The following FLYWCH2 variants were observed in gnomAD, a reference collection of about 807,000 sequenced individuals.
FLYWCH2 encodes the protein FLYWCH family member 2.
Under a neutral mutation model 6.0 loss-of-function variants are expected in FLYWCH2, and 2 were observed. The observed-to-expected ratio is 0.33, with a 90% confidence interval of 0.14 to 1.04. The LOEUF (loss-of-function observed/expected upper bound fraction) is 1.04. Ranked by LOEUF, FLYWCH2 falls within the 50% of genes least tolerant of loss-of-function variation. The pLI is 0.45. For synonymous variants in FLYWCH2, 87 were observed against 79.3 expected (o/e 1.10, Z -0.52); for missense variants, 192 against 183.4 (o/e 1.05, Z -0.27).
intron 3 of FLYWCH2, 69 bp downstream of exon 3, chr16:2,896,840 C>A: frequency 7.1e-7 from 1 of 1,399,014 alleles, no homozygotes. Context: ...GCCGCGCTGG[C>A]TCCATCAGGC....
intron 1 of FLYWCH2, among the ~76,000 whole-genome samples, chr16:2,892,114 C>T (rs938177345): frequency 1.3e-5 from 2 of 151,922 alleles, no homozygotes; most frequent in Non-Finnish European, 2.9e-5. Flanking sequence ...ATTGCTTGAA[C>T]CTGGGAGGTG....
At chr16:2,884,041 C>T (rs1198684357) in intron 1 of FLYWCH2, among the ~76,000 whole-genome samples, 2 of 152,120 alleles carry the variant, frequency 1.3e-5, no homozygotes, top group Admixed American at 1.3e-4. Context: ...GTACTGCACA[C>T]CTTAGTGTCC....
intron 1 of FLYWCH2, among the ~76,000 whole-genome samples, chr16:2,892,074 C>T (rs985084918): frequency 6.6e-5 from 10 of 151,494 alleles, no homozygotes; most frequent in African/African-American, 2.4e-4. Context: ...CGCTTGTAAT[C>T]CCAGCTACTC....
chr16:2,895,608 CCGTCT>C (rs1398819012), intron 2 of FLYWCH2, among the ~76,000 whole-genome samples: 1 of 152,200 alleles, frequency 6.6e-6, no homozygotes, highest in Non-Finnish European at 1.5e-5. Context: ...GAGCGAGACT[CCGTCT>C]CCAAAACAAA....
At chr16:2,884,086 T>TG (rs2069670266) in intron 1 of FLYWCH2, among the ~76,000 whole-genome samples, 2 of 152,180 alleles carry the variant, frequency 1.3e-5, no homozygotes, top group Admixed American at 1.3e-4. Flanking sequence ...AGCCCCGCTG[T>TG]GGACTGCGTG....
At chr16:2,894,539 C>T (rs2069795774) in intron 1 of FLYWCH2, among the ~76,000 whole-genome samples, 1 of 152,340 alleles carries the variant, frequency 6.6e-6, no homozygotes, top group African/African-American at 2.4e-5. Context: ...CCCGGCATCC[C>T]CACATCGCCC....
At chr16:2,893,618 G>A (rs112883420) in intron 1 of FLYWCH2, among the ~76,000 whole-genome samples, 3,784 of 149,880 alleles carry the variant, frequency 0.025, 160 homozygotes, top group African/African-American at 0.087. Flanking sequence ...TCACTTTGGG[G>A]CCCTTTTCTT....
At chr16:2,883,549 C>CA (rs1171645526) in intron 1 of FLYWCH2, among the ~76,000 whole-genome samples, 183 bp downstream of exon 1, 1 of 152,164 alleles carries the variant, frequency 6.6e-6, no homozygotes, top group Non-Finnish European at 1.5e-5. Flanking sequence ...CCTCCTTCCC[C>CA]ACCCCCTCCA....
At chr16:2,894,250 A>G (rs1434931502) in intron 1 of FLYWCH2, among the ~76,000 whole-genome samples, 1 of 152,062 alleles carries the variant, frequency 6.6e-6, no homozygotes, top group Non-Finnish European at 1.5e-5. Context: ...CACGCTGGGT[A>G]TGCAAGAGGC....
intron 1 of FLYWCH2, among the ~76,000 whole-genome samples, chr16:2,888,972 A>G (rs1241677447): frequency 2.6e-5 from 4 of 152,122 alleles, no homozygotes; most frequent in Non-Finnish European, 5.9e-5. Flanking sequence ...AATATTTGTC[A>G]TTTTTGAAAA....
In FLYWCH2 at chr16:2,899,268, CTTTT is replaced by C. The variant is rs76446842; in HGVS notation, c.*133_*136del. On this transcript the variant is annotated 3_prime_UTR_variant, in exon 4 of 4. Coordinates refer to ENST00000396958, the MANE Select transcript of FLYWCH2 (RefSeq NM_138439.3). ...CTTTTAACATTGTGTGATTTCTTTT[CTTTT>C]TTTTTTTTTTTTTAGATCAAGTATA... 169 of 424,306 alleles carry C rather than the reference CTTTT, an allele frequency of 4.0e-4. No homozygotes were observed. Among genetic ancestry groups the C allele is most frequent in the South Asian group, 1.1e-3 (27 of 24,446 alleles). The allele number at this position is 424,306 out of a possible 1,614,324, so 26.3% of individuals were successfully genotyped here.
intron 1 of FLYWCH2, among the ~76,000 whole-genome samples, chr16:2,892,145 T>G (rs1162750552): frequency 2.0e-5 from 3 of 151,660 alleles, no homozygotes; most frequent in Non-Finnish European, 4.4e-5. Context: ...TGAGCTGAGA[T>G]TGCGACATTG....
At chr16:2,897,297 C>T (rs1322292276) in intron 3 of FLYWCH2, among the ~76,000 whole-genome samples, 1 of 152,126 alleles carries the variant, frequency 6.6e-6, no homozygotes, top group East Asian at 1.9e-4. Context: ...CAGCCTGGCT[C>T]TCCGGGACTG....
rs148950549 is a variant in FLYWCH2, at chr16:2,894,912, A to T, written c.-199-308A>T. Among the ~76,000 whole-genome samples the T allele has an allele frequency of 3.1e-3, 467 of 152,260 alleles. 4 individuals are homozygous for T. Among genetic ancestry groups the T allele is most frequent in the African/African-American group, 0.011 (443 of 41,578 alleles). On this transcript the variant is annotated intron_variant, in intron 1 of 3. Coordinates refer to ENST00000396958, the MANE Select transcript of FLYWCH2 (RefSeq NM_138439.3). ...AGACGCATTGGGAGGGGTCCAAGGA[A>T]ACCATGAGAACCTCAAGCCCAGGTT... is the stretch of plus-strand genomic sequence containing the variant.
At chr16:2,886,796 C>T (rs1471769137) in intron 1 of FLYWCH2, among the ~76,000 whole-genome samples, 2 of 152,080 alleles carry the variant, frequency 1.3e-5, no homozygotes, top group East Asian at 3.8e-4. Flanking sequence ...GCTGGGATTA[C>T]AGGTGTGAGC....
rs116506785 is a variant in FLYWCH2 at position 2,888,533 on chromosome 16, A to G, written c.-200+5167A>G. Among the ~76,000 whole-genome samples, 431 of 149,856 alleles carry G rather than the reference A, an allele frequency of 2.9e-3. 7 individuals are homozygous for G. Among genetic ancestry groups the G allele is most frequent in the African/African-American group, 9.6e-3 (390 of 40,820 alleles). ...GCTGGAATTAAGAATCTATAGATCA[A>G]TGTCAGAAGTGTTGTCATCTTAACA... is the stretch of plus-strand genomic sequence containing the variant. On this transcript the variant is annotated intron_variant, in intron 1 of 3. Transcript: ENST00000396958.
intron 1 of FLYWCH2, among the ~76,000 whole-genome samples, chr16:2,887,836 G>C (rs1214931458): frequency 6.6e-6 from 1 of 151,896 alleles, no homozygotes; most frequent in East Asian, 1.9e-4. Flanking sequence ...CAAAGTACTG[G>C]AATTACAAGC....
rs1423164357 is a variant in FLYWCH2, at chr16:2,883,334, T to C, written c.-232T>C. On this transcript the variant is annotated 5_prime_UTR_variant, in exon 1 of 4. Coordinates refer to ENST00000396958, the MANE Select transcript of FLYWCH2 (RefSeq NM_138439.3). ...GAGGCTGAGGGACCCGCCGCGGCGC[T>C]GTCGCCGGAGAGGGAGGGCACCGCT... 2.0e-5 allele frequency: 3 copies of C among 152,274 alleles called. No homozygotes were observed. In the South Asian group the frequency reaches 6.2e-4, roughly 31 times the overall value. The allele number at this position is 152,274 out of a possible 1,614,324, so 9.4% of individuals were successfully genotyped here.
chr16:2,889,956 G>A (rs1278164232), intron 1 of FLYWCH2, among the ~76,000 whole-genome samples: 5 of 152,216 alleles, frequency 3.3e-5, no homozygotes, highest in South Asian at 2.1e-4. Flanking sequence ...GTAGTGGTGC[G>A]TGTCTGTAGT....
Sources: allele counts gnomAD v4.1 joint callset (sites outside exome capture counted in the v4.1 genomes callset), GRCh38; gene constraint gnomAD v4.1.1; transcripts MANE v1.5; gene names NCBI Gene and HGNC (gene_info 2026-07-23, HGNC 2026-07-21).